Variants in PRDM15 observed in about 807,000 individuals in gnomAD.
PRDM15 encodes PR/SET domain 15.
Under a neutral mutation model 128.6 loss-of-function variants are expected in PRDM15, and 64 were observed. The observed-to-expected ratio is 0.50, with a 90% confidence interval of 0.41 to 0.61. PRDM15 has a LOEUF of 0.61. PRDM15 is among the 20% of genes least tolerant of loss of function. PRDM15 has a pLI of 0.00. For missense variants in PRDM15, 1,242 were observed against 1,569.1 expected (o/e 0.79, Z 3.52); for synonymous variants, 615 against 621.8 (o/e 0.99, Z 0.16).
At chr21:41,819,743 G>C (rs73375536) in intron 17 of PRDM15, 42 bp from the exon 18 acceptor site, 1 of 1,564,168 alleles carries the variant, frequency 6.4e-7, no homozygotes, top group Non-Finnish European at 8.6e-7. Context: ...GAGCAGCTCC[G>C]ACCTGCAGTG....
chr21:41,836,791 GT>G, intron 8 of PRDM15, 142 bp from the exon 9 acceptor site: 1 of 625,938 alleles, frequency 1.6e-6, no homozygotes, highest in Non-Finnish European at 2.8e-6. Flanking sequence ...GCGCCCGGGC[GT>G]CACTCCCAGC....
Position 41,836,359 on chromosome 21 carries a change from C to T in PRDM15, c.1183+109G>A, listed in dbSNP as rs576100946. On this transcript the variant is annotated intron_variant, in intron 9 of 23. Transcript: ENST00000398548. ...GCCCACAAATGCAGCCTCTCACTGG[C>T]GCAGCTCGTGGGAGACGACCCAAGG... 1.2e-4 allele frequency: 165 copies of T among 1,335,172 alleles called. 1 individual carries two copies. Among genetic ancestry groups the T allele is most frequent in the Admixed American group, 1.0e-3 (51 of 50,978 alleles). The allele number at this position is 1,335,172 out of a possible 1,614,324, so 82.7% of individuals were successfully genotyped here.
intron 9 of PRDM15, 93 bp downstream of exon 9, chr21:41,836,375 C>T (rs538725071): frequency 6.4e-5 from 89 of 1,399,510 alleles, no homozygotes; most frequent in South Asian, 1.0e-4. Flanking sequence ...TCGTGGGAGA[C>T]GACCCAAGGA....
intron 9 of PRDM15, 127 bp from the exon 10 acceptor site, chr21:41,836,334 G>A (rs907935247): frequency 3.2e-6 from 4 of 1,265,438 alleles, no homozygotes; most frequent in Middle Eastern, 2.7e-4. Flanking sequence ...AGAGATGATC[G>A]CCCACAAATG....
At chr21:41,825,842 C>A (rs1012180834) in intron 13 of PRDM15, 118 bp downstream of exon 13, 3 of 782,830 alleles carry the variant, frequency 3.8e-6, no homozygotes, top group Non-Finnish European at 6.4e-6. Flanking sequence ...AACCTGAGCA[C>A]CCATCGTTAC....
In PRDM15 at chr21:41,821,866, C is replaced by T; in HGVS notation, c.1896+37G>A. The T allele has an allele frequency of 6.2e-7, 1 of 1,611,782 alleles. No homozygotes were observed. Among genetic ancestry groups the T allele is most frequent in the South Asian group, 1.1e-5 (1 of 91,054 alleles). ...GCCTTGAAACGACCACCTTCCTCTC[C>T]AGACCACCCAGGCACCGCGGGGCAA... On this transcript the variant is annotated intron_variant, in intron 15 of 23. Transcript: ENST00000398548. This position sits in a 1 kb window ranked among gnomAD's most constrained non-coding sequence, Gnocchi z 5.4.
At chr21:41,861,883 T>C in intron 1 of PRDM15, 2 of 1,596,970 alleles carry the variant, frequency 1.3e-6, no homozygotes, top group East Asian at 2.2e-5. Context: ...GGTGAAATTT[T>C]CTCCCAAAAC....
rs2145843487 is a variant in PRDM15 at position 41,854,537 on chromosome 21, T to G, written c.538+29A>C. On this transcript the variant is annotated intron_variant, in intron 5 of 23. Transcript: ENST00000398548. The surrounding 1 kb of genome is among the most constrained non-coding windows in gnomAD (Gnocchi z 4.6). ...CCCTTCGGCGAGGCACAAGGGAAGG[T>G]GGGCTCCGGATCGGGGGCCGCCACA... is the stretch of plus-strand genomic sequence containing the variant. 1.2e-5 allele frequency: 20 copies of G among 1,609,418 alleles called. No homozygotes were observed. The highest frequency in any genetic ancestry group is 1.7e-5 in the Non-Finnish European group (20 of 1,179,768).
At chr21:41,839,242 T>A (rs1488390290) in intron 7 of PRDM15, among the ~76,000 whole-genome samples, 1 of 152,160 alleles carries the variant, frequency 6.6e-6, no homozygotes, top group Non-Finnish European at 1.5e-5. Context: ...CTCGAGGCTG[T>A]AAGCTGCCTG....
chr21:41,806,597 T>C (rs148481640), intron 21 of PRDM15, among the ~76,000 whole-genome samples: 1,458 of 5,274 alleles, frequency 0.28, 57 homozygotes, highest in Non-Finnish European at 0.34. Flanking sequence ...CCACCACCAT[T>C]ACTACCACCA....
At chr21:41,837,749 A>G (rs1338898941) in intron 8 of PRDM15, among the ~76,000 whole-genome samples, 185 bp downstream of exon 8, 2 of 151,500 alleles carry the variant, frequency 1.3e-5, no homozygotes, top group Non-Finnish European at 2.9e-5. Flanking sequence ...TGGATGCACC[A>G]TTAAACTCCT....
chr21:41,875,295 C>T (rs565071616), intron 1 of PRDM15, among the ~76,000 whole-genome samples: 209 of 152,412 alleles, frequency 1.4e-3, no homozygotes, highest in Non-Finnish European at 2.6e-3. Flanking sequence ...CCCCCAACTC[C>T]CAAGCCGGCA....
chr21:41,852,814 T>G (rs778569386), intron 5 of PRDM15, among the ~76,000 whole-genome samples: 23 of 152,152 alleles, frequency 1.5e-4, no homozygotes, highest in Non-Finnish European at 2.5e-4. Flanking sequence ...CTCCCCAAAA[T>G]TCACATCCAC....
At chr21:41,830,055 CCA>C (rs1175203681) in intron 11 of PRDM15, among the ~76,000 whole-genome samples, 92 of 150,716 alleles carry the variant, frequency 6.1e-4, no homozygotes, top group African/African-American at 2.1e-3. Flanking sequence ...CAACGTACAC[CCA>C]CACATTCAAC....
At chr21:41,835,059 A>T (rs1232146350) in intron 11 of PRDM15, among the ~76,000 whole-genome samples, 3 of 152,124 alleles carry the variant, frequency 2.0e-5, no homozygotes, top group African/African-American at 7.2e-5. Flanking sequence ...GCAAGCGAGG[A>T]GCGCTCACAC....
chr21:41,854,775 T>C lies in PRDM15; in HGVS notation c.329A>G (p.Asn110Ser), dbSNP rs972442114. 4.3e-6 allele frequency: 7 copies of C among 1,609,296 alleles called. No individual in the cohort carries two copies. In the African/African-American group the frequency reaches 5.3e-5, roughly 12 times the overall value. The change falls in exon 5 of 24, where the codon AAC (asparagine) becomes AGC (serine). Residue 110 changes from asparagine to serine, a missense_variant. This residue lies in a region of PRDM15 where 612 missense variants were observed against 717.0 expected (regional missense o/e 0.85). Transcript: ENST00000398548. This position sits in a 1 kb window ranked among gnomAD's most constrained non-coding sequence, Gnocchi z 4.6. Reference sequence around the variant, plus strand: ...CATCATCCAGTTGCAGTCATCCTCGTTGGAGGTGTCGAAGCACACGGGGTG... The same window carrying C: ...CATCATCCAGTTGCAGTCATCCTCGCTGGAGGTGTCGAAGCACACGGGGTG... ...DGHPVCFDTS[N>S]EDDCNWMMLV...
intron 9 of PRDM15, 71 bp downstream of exon 9, chr21:41,836,397 G>T: frequency 6.7e-7 from 1 of 1,489,228 alleles, no homozygotes; most frequent in Non-Finnish European, 9.2e-7. Context: ...GGGAGACTCC[G>T]TGCTGTCCTC....
At chr21:41,866,399 T>G (rs141358108) in intron 1 of PRDM15, among the ~76,000 whole-genome samples, 46 of 152,388 alleles carry the variant, frequency 3.0e-4, no homozygotes, top group African/African-American at 1.0e-3. Flanking sequence ...TGACCTGCGC[T>G]TGGCCTCTGC....
intron 12 of PRDM15, among the ~76,000 whole-genome samples, chr21:41,827,206 T>C (rs2062501197): frequency 6.6e-6 from 1 of 152,254 alleles, no homozygotes; most frequent in Non-Finnish European, 1.5e-5. Context: ...AAAAACGTTG[T>C]CGGTCTTTAT....
Sources: gnomAD v4.1 joint callset for allele counts (sites outside exome capture counted in the v4.1 genomes callset) on GRCh38, gnomAD v4.1.1 for gene constraint, gnomAD v4.1.1 regional missense constraint, Gnocchi (gnomAD v3.1) non-coding constraint, MANE v1.5 for transcripts, NCBI Gene and HGNC (gene_info 2026-07-23, HGNC 2026-07-21) for gene names.